Variants in CYP7B1 observed in about 807,000 individuals in gnomAD.
The protein encoded by CYP7B1 is cytochrome P450 7B1.
A neutral mutation model predicts 42.7 loss-of-function variants in CYP7B1; 29 were observed. The ratio of observed to expected loss-of-function variants is 0.68; its 90% CI spans 0.51 to 0.93. CYP7B1 has a LOEUF of 0.93. CYP7B1 is among the 40% of genes least tolerant of loss of function. The pLI is 0.00. For missense variants in CYP7B1, 655 were observed against 600.5 expected (o/e 1.09, Z -0.95); for synonymous variants, 235 against 218.2 (o/e 1.08, Z -0.68).
At chr8:64,641,726 AG>A (rs1265660382) in intron 1 of CYP7B1, among the ~76,000 whole-genome samples, 1 of 152,156 alleles carries the variant, frequency 6.6e-6, no homozygotes, top group Non-Finnish European at 1.5e-5. Flanking sequence ...ATGGGTACCA[AG>A]CTTAGTCACA....
chr8:64,725,866 C>G (rs1807315883), intron 1 of CYP7B1, among the ~76,000 whole-genome samples: 1 of 152,200 alleles, frequency 6.6e-6, no homozygotes, highest in South Asian at 2.1e-4. Flanking sequence ...TCATCATGCC[C>G]TGACCTCACT....
intron 1 of CYP7B1, among the ~76,000 whole-genome samples, chr8:64,717,256 T>C (rs540134532): frequency 1.2e-4 from 18 of 152,310 alleles, no homozygotes; most frequent in Admixed American, 8.5e-4. Context: ...TTACATTCTA[T>C]TTTTTAACTG....
intron 4 of CYP7B1, among the ~76,000 whole-genome samples, chr8:64,608,201 TAAC>T (rs1246541327): frequency 6.6e-6 from 1 of 152,114 alleles, no homozygotes; most frequent in African/African-American, 2.4e-5. Context: ...TGAAGAAAAA[TAAC>T]AAATAAAAAA....
intron 1 of CYP7B1, among the ~76,000 whole-genome samples, chr8:64,683,807 T>C (rs967327130): frequency 6.6e-6 from 1 of 152,166 alleles, no homozygotes; most frequent in East Asian, 1.9e-4. Context: ...AAATACTTTT[T>C]TTTTTCCCTG....
chr8:64,641,227 A>T (rs1023500974), intron 1 of CYP7B1, among the ~76,000 whole-genome samples: 1 of 152,202 alleles, frequency 6.6e-6, no homozygotes, highest in Non-Finnish European at 1.5e-5. Flanking sequence ...AGGGTTTTCA[A>T]ATCTTACATC....
intron 4 of CYP7B1, among the ~76,000 whole-genome samples, chr8:64,605,447 A>G (rs1805265168): frequency 6.6e-6 from 1 of 152,210 alleles, no homozygotes; most frequent in Non-Finnish European, 1.5e-5. Flanking sequence ...TTTTCTCAGC[A>G]TCCAGGGAAA....
At chr8:64,640,780 T>C (rs969780104) in intron 1 of CYP7B1, among the ~76,000 whole-genome samples, 1 of 152,120 alleles carries the variant, frequency 6.6e-6, no homozygotes, top group African/African-American at 2.4e-5. Flanking sequence ...TGACACACAC[T>C]ACCCAAAGAA....
Position 64,798,693 on chromosome 8 carries a change from C to A in CYP7B1, c.-106G>T. ...CTTCTCTCGGCGGCGCCCCCTAGTC[C>A]AGGGCCGGAGAGGCTGGCCTGCCCG... On this transcript the variant is annotated 5_prime_UTR_variant, in exon 1 of 6. Transcript: ENST00000310193. 7.8e-7 allele frequency: 1 copy of A among 1,287,726 alleles called. No individual in the cohort carries two copies. Among genetic ancestry groups the A allele is most frequent in the Non-Finnish European group, 1.0e-6 (1 of 991,482 alleles). 79.8% of individuals were successfully genotyped at this position (1,287,726 alleles called of 1,614,324 possible). A position where few individuals can be genotyped will look rare whatever the true frequency, so the allele number is the denominator to read the frequency against.
chr8:64,691,487 G>GC lies in CYP7B1; in HGVS notation c.123-66949_123-66948insG, dbSNP rs199516327. ...CGTATGGTTGCGATGGCAACTGGGGGGGGGGGGTGGTGGTTAAAGCTGGAA... is the reference window on the plus strand; with the variant it reads ...CGTATGGTTGCGATGGCAACTGGGGGCGGGGGGGTGGTGGTTAAAGCTGGAA... On this transcript the variant is annotated intron_variant, in intron 1 of 5. Transcript: ENST00000310193. 6.0e-4 allele frequency among the ~76,000 whole-genome samples: 89 copies of GC among 149,302 alleles called. 2 individuals carry two copies. The highest frequency in any genetic ancestry group is 2.0e-3 in the African/African-American group (82 of 40,082).
intron 1 of CYP7B1, among the ~76,000 whole-genome samples, chr8:64,659,512 T>C (rs1156468144): frequency 6.6e-6 from 1 of 152,162 alleles, no homozygotes; most frequent in Non-Finnish European, 1.5e-5. Context: ...ACTAAATAAA[T>C]GTTAATTAAT....
intron 1 of CYP7B1, among the ~76,000 whole-genome samples, chr8:64,723,220 T>G (rs1231574793): frequency 6.6e-6 from 1 of 152,214 alleles, no homozygotes; most frequent in East Asian, 1.9e-4. Context: ...TGATTCACAG[T>G]AATTCTACAG....
At position 64,593,627 on chromosome 8, in the gene CYP7B1, A is replaced by G. The variant is rs1233942093; in HGVS notation, c.*3015T>C. 6.6e-6 allele frequency among the ~76,000 whole-genome samples: 1 copy of G among 152,154 alleles called. No individual in the cohort carries two copies. The highest frequency in any genetic ancestry group is 6.5e-5 in the Admixed American group (1 of 15,284). The stretch of plus-strand genomic sequence containing the variant: ...TGCAAATACAAATTCTCTCTTGAGG[A>G]ATGAACTTTAAATCTAGGTCTAAAG... On this transcript the variant is annotated 3_prime_UTR_variant, in exon 6 of 6. Transcript: ENST00000310193.
intron 1 of CYP7B1, among the ~76,000 whole-genome samples, chr8:64,674,754 G>C (rs1170018233): frequency 6.6e-6 from 1 of 152,040 alleles, no homozygotes; most frequent in Non-Finnish European, 1.5e-5. Context: ...TATACCTAAA[G>C]TGTTCTTAAT....
chr8:64,657,615 A>C (rs1327514687), intron 1 of CYP7B1, among the ~76,000 whole-genome samples: 1 of 152,224 alleles, frequency 6.6e-6, no homozygotes, highest in African/African-American at 2.4e-5. Context: ...AATGTATGTT[A>C]AAGGAAGAGA....
chr8:64,685,318 G>C (rs1418233901), intron 1 of CYP7B1, among the ~76,000 whole-genome samples: 5 of 135,452 alleles, frequency 3.7e-5, no homozygotes, highest in Non-Finnish European at 7.9e-5. Context: ...GTCTCTGCCT[G>C]GCCGCCCATC....
chr8:64,606,707 C>A (rs1805288157), intron 4 of CYP7B1, among the ~76,000 whole-genome samples: 1 of 152,170 alleles, frequency 6.6e-6, no homozygotes, highest in South Asian at 2.1e-4. Context: ...TAGTAAGTGA[C>A]AAATCTGTTT....
At chr8:64,617,534 C>G (rs975787242) in intron 2 of CYP7B1, among the ~76,000 whole-genome samples, 5 of 152,150 alleles carry the variant, frequency 3.3e-5, no homozygotes, top group Non-Finnish European at 5.9e-5. Flanking sequence ...TTTTAAGATT[C>G]CTTCTAATTA....
intron 1 of CYP7B1, among the ~76,000 whole-genome samples, chr8:64,695,896 G>T (rs747523408): frequency 5.3e-5 from 8 of 152,000 alleles, no homozygotes; most frequent in Non-Finnish European, 8.8e-5. Context: ...TGTGCAAAAT[G>T]TTTTCAAGTA....
At chr8:64,638,468 C>T (rs1805806481) in intron 1 of CYP7B1, among the ~76,000 whole-genome samples, 1 of 151,956 alleles carries the variant, frequency 6.6e-6, no homozygotes, top group Non-Finnish European at 1.5e-5. Flanking sequence ...TAACATTAAC[C>T]AATTTTGAAT....
Sources: allele counts gnomAD v4.1 joint callset (sites outside exome capture counted in the v4.1 genomes callset), GRCh38; gene constraint gnomAD v4.1.1; transcripts MANE v1.5; gene names NCBI Gene and HGNC (gene_info 2026-07-23, HGNC 2026-07-21).